Variants in SMYD3 observed in about 807,000 individuals in gnomAD.
SMYD3 encodes histone-lysine N-methyltransferase SMYD3.
A neutral mutation model predicts 57.7 loss-of-function variants in SMYD3; 36 were observed. The observed-to-expected ratio is 0.62, with a 90% CI of 0.48 to 0.82. The LOEUF (loss-of-function observed/expected upper bound fraction) is 0.82. Ranked by LOEUF, SMYD3 falls within the 40% of genes least tolerant of loss-of-function variation. The probability of loss-of-function intolerance (pLI) is 0.00; values close to 1 mark genes in which losing one functional copy is unlikely to be tolerated. For synonymous variants in SMYD3, 211 were observed against 195.0 expected (o/e 1.08, Z -0.68); for missense variants, 515 against 538.8 (o/e 0.96, Z 0.44).
In SMYD3 at chr1:246,125,027, G is replaced by C. The variant is rs540588935; in HGVS notation, c.532-195090C>G. Among the ~76,000 whole-genome samples the C allele has an allele frequency of 5.3e-3, 776 of 147,724 alleles. 6 individuals are homozygous for C. Among genetic ancestry groups the C allele is most frequent in the Middle Eastern group, 0.011 (3 of 282 alleles). ...GCGGAGCTTGCAGTGAGCCGAGATC[G>C]CGCCACTGCACTCCAGCCTGGGCGA... On this transcript the variant is annotated intron_variant, in intron 5 of 11. Coordinates refer to ENST00000490107, the MANE Select transcript of SMYD3 (RefSeq NM_001167740.2).
chr1:246,280,480 TAA>T (rs2064419936), intron 5 of SMYD3, among the ~76,000 whole-genome samples: 1 of 152,094 alleles, frequency 6.6e-6, no homozygotes, highest in Non-Finnish European at 1.5e-5. Context: ...ATCATCTACT[TAA>T]AAATCTTAGA....
chr1:246,362,693 C>T (rs1157600006), intron 1 of SMYD3, among the ~76,000 whole-genome samples: 4 of 152,272 alleles, frequency 2.6e-5, no homozygotes, highest in African/African-American at 9.6e-5. Context: ...CAGCTCCTAA[C>T]CGCGAGTGAT....
At chr1:245,832,401 G>C (rs1292749588) in intron 10 of SMYD3, among the ~76,000 whole-genome samples, 3 of 151,992 alleles carry the variant, frequency 2.0e-5, no homozygotes, top group African/African-American at 7.3e-5. Flanking sequence ...TTAAGTTTGG[G>C]ACAATGCATT....
At chr1:245,858,211 G>A (rs987713042) in intron 10 of SMYD3, among the ~76,000 whole-genome samples, 4 of 152,156 alleles carry the variant, frequency 2.6e-5, no homozygotes, top group African/African-American at 4.8e-5. Flanking sequence ...CACTGCAAGC[G>A]CCACATCGTA....
chr1:246,145,118 T>C (rs73141349), intron 5 of SMYD3, among the ~76,000 whole-genome samples: 1,546 of 152,294 alleles, frequency 0.01, 23 homozygotes, highest in African/African-American at 0.034. Context: ...CTTGACCTCC[T>C]GGGCTCATGG....
intron 1 of SMYD3, among the ~76,000 whole-genome samples, chr1:246,449,173 A>C (rs1179485748): frequency 6.6e-6 from 1 of 152,158 alleles, no homozygotes; most frequent in Non-Finnish European, 1.5e-5. Flanking sequence ...TCGAGACTGC[A>C]ATGAGCCATG....
intron 5 of SMYD3, among the ~76,000 whole-genome samples, chr1:246,111,077 C>T (rs2061229760): frequency 1.3e-5 from 2 of 152,066 alleles, no homozygotes; most frequent in African/African-American, 4.8e-5. Context: ...GACCCTGACC[C>T]ATGCATAACA....
chr1:246,506,987 A>ACCCCCCC (rs2068551769), intron 1 of SMYD3, 67 bp downstream of exon 1: 9 of 634,668 alleles, frequency 1.4e-5, no homozygotes, highest in Non-Finnish European at 2.0e-5. Flanking sequence ...CGGCCGCCCG[A>ACCCCCCC]CGCCCCCCCC....
intron 10 of SMYD3, among the ~76,000 whole-genome samples, chr1:245,781,929 A>T (rs1237710822): frequency 1.3e-5 from 2 of 152,160 alleles, no homozygotes; most frequent in Non-Finnish European, 2.9e-5. Flanking sequence ...AGATTGTGCC[A>T]CTGCACTCTG....
chr1:245,806,736 C>A (rs2048171767), intron 10 of SMYD3, among the ~76,000 whole-genome samples: 2 of 150,758 alleles, frequency 1.3e-5, no homozygotes, highest in Non-Finnish European at 3.0e-5. Flanking sequence ...AGGTGAAACC[C>A]CGTCTCTACT....
chr1:246,107,929 A>G (rs2061160067), intron 5 of SMYD3, among the ~76,000 whole-genome samples: 1 of 152,238 alleles, frequency 6.6e-6, no homozygotes. Context: ...AAAAACACAC[A>G]TGTATATATC....
chr1:246,227,234 T>A (rs1309926171), intron 5 of SMYD3, among the ~76,000 whole-genome samples: 4 of 152,172 alleles, frequency 2.6e-5, no homozygotes, highest in African/African-American at 9.6e-5. Context: ...AAAACTAAGT[T>A]TCTGTTTTGG....
chr1:246,350,744 G>A (rs1209477649), intron 2 of SMYD3, among the ~76,000 whole-genome samples: 3 of 152,082 alleles, frequency 2.0e-5, no homozygotes, highest in South Asian at 2.1e-4. Flanking sequence ...GTCTTGAGAA[G>A]GATTAATATA....
chr1:245,845,836 G>A (rs2050636383), intron 10 of SMYD3, among the ~76,000 whole-genome samples: 2 of 152,196 alleles, frequency 1.3e-5, no homozygotes, highest in Non-Finnish European at 2.9e-5. Flanking sequence ...ATTTCTGAGT[G>A]GAATAGTACA....
chr1:246,453,741 T>C (rs2067664481), intron 1 of SMYD3, among the ~76,000 whole-genome samples: 1 of 152,222 alleles, frequency 6.6e-6, no homozygotes, highest in African/African-American at 2.4e-5. Context: ...TGCAATACAC[T>C]TGAGCTTTGT....
At chr1:246,245,818 T>C (rs1286350978) in intron 5 of SMYD3, among the ~76,000 whole-genome samples, 1 of 152,216 alleles carries the variant, frequency 6.6e-6, no homozygotes, top group African/African-American at 2.4e-5. Context: ...GTGATTTCTA[T>C]TCATATTTTG....
intron 5 of SMYD3, among the ~76,000 whole-genome samples, chr1:245,957,602 A>G (rs1322479870): frequency 6.6e-6 from 1 of 151,868 alleles, no homozygotes; most frequent in African/African-American, 2.4e-5. Context: ...ATTCATGCCC[A>G]CTCGCTGCTC....
At chr1:246,004,824 A>G (rs566927066) in intron 5 of SMYD3, among the ~76,000 whole-genome samples, 2 of 152,278 alleles carry the variant, frequency 1.3e-5, no homozygotes, top group East Asian at 1.9e-4. Context: ...TACAGACACT[A>G]TAAGAAATAA....
chr1:246,058,811 T>C (rs572866722), intron 5 of SMYD3, among the ~76,000 whole-genome samples: 6 of 152,032 alleles, frequency 3.9e-5, no homozygotes, highest in Admixed American at 1.3e-4. Context: ...TTTATTGTAA[T>C]AAAAGTAATC....
Sources: allele counts gnomAD v4.1 joint callset (sites outside exome capture counted in the v4.1 genomes callset), GRCh38; gene constraint gnomAD v4.1.1; transcripts MANE v1.5; gene names NCBI Gene and HGNC (gene_info 2026-07-23, HGNC 2026-07-21).